Variants in SAMD12 observed in about 807,000 individuals in gnomAD.
SAMD12 encodes the protein sterile alpha motif domain containing 12.
SAMD12 carries 9 observed loss-of-function variants against 15.0 expected under a neutral mutation model. The ratio of observed to expected loss-of-function variants is 0.60; its 90% confidence interval spans 0.36 to 1.05. The LOEUF is 1.05. Ranked by LOEUF, SAMD12 falls within the 50% of genes least tolerant of loss-of-function variation. SAMD12 has a pLI of 0.01. For missense variants in SAMD12, 230 were observed against 234.2 expected, an observed-to-expected ratio of 0.98 and a Z score of 0.12; for synonymous variants, 86 against 90.1, an observed-to-expected ratio of 0.96 and a Z score of 0.25.
intron 4 of SAMD12, among the ~76,000 whole-genome samples, chr8:118,359,587 T>C (rs557846989): frequency 8.6e-4 from 131 of 152,290 alleles, no homozygotes; most frequent in African/African-American, 3.0e-3. Context: ...TCTAAGAGCA[T>C]CGCGCTCCTG....
chr8:118,353,799 C>G (rs763988048), intron 4 of SAMD12, among the ~76,000 whole-genome samples: 4 of 152,140 alleles, frequency 2.6e-5, no homozygotes, highest in Non-Finnish European at 5.9e-5. Flanking sequence ...ACTATGCAGC[C>G]TGCCATCCCT....
chr8:118,440,055 T>A, intron 2 of SAMD12, 94 bp from the exon 3 acceptor site: 1 of 1,231,124 alleles, frequency 8.1e-7, no homozygotes, highest in South Asian at 1.4e-5. Flanking sequence ...GGCTACAGAC[T>A]GGATTCCCTG....
chr8:118,523,797 G>A (rs545543603), intron 2 of SAMD12, among the ~76,000 whole-genome samples: 1 of 152,146 alleles, frequency 6.6e-6, no homozygotes, highest in South Asian at 2.1e-4. Flanking sequence ...CCTCACTGCT[G>A]AATGGAAACT....
At chr8:118,217,658 G>T (rs1339186347) in intron 4 of SAMD12, among the ~76,000 whole-genome samples, 1 of 124,894 alleles carries the variant, frequency 8.0e-6, no homozygotes, top group African/African-American at 2.6e-5. Context: ...TGAAAGAGAG[G>T]AGAAAAAAAG....
the SAMD12 span, among the ~76,000 whole-genome samples, chr8:118,132,972 GTA>G: frequency 0.016 from 773 of 47,940 alleles, 15 homozygotes; most frequent in Middle Eastern, 0.041. Context: ...GTGTGTGTGT[GTA>G]TATATATATA....
intron 4 of SAMD12, among the ~76,000 whole-genome samples, chr8:118,357,431 T>C (rs1274583558): frequency 6.6e-6 from 1 of 152,062 alleles, no homozygotes; most frequent in Non-Finnish European, 1.5e-5. Context: ...ACAGACAAGG[T>C]TTACCATATT....
intron 4 of SAMD12, among the ~76,000 whole-genome samples, chr8:118,199,554 A>G (rs1819654544): frequency 6.6e-6 from 1 of 152,210 alleles, no homozygotes; most frequent in African/African-American, 2.4e-5. Context: ...GATAATAAAG[A>G]GTAAGCCCTA....
intron 2 of SAMD12, among the ~76,000 whole-genome samples, chr8:118,485,644 C>T (rs1009385245): frequency 2.6e-5 from 4 of 152,008 alleles, no homozygotes; most frequent in East Asian, 1.9e-4. Flanking sequence ...AAGAATGTTA[C>T]GGGCAGTTCT....
intron 4 of SAMD12, among the ~76,000 whole-genome samples, chr8:118,204,417 T>C (rs1306951204): frequency 6.6e-6 from 1 of 151,914 alleles, no homozygotes; most frequent in Non-Finnish European, 1.5e-5. Context: ...ACTGAGAGTA[T>C]GATTAAGGAA....
chr8:118,438,363 G>C (rs1360200864), intron 3 of SAMD12, among the ~76,000 whole-genome samples: 1 of 151,970 alleles, frequency 6.6e-6, no homozygotes, highest in Non-Finnish European at 1.5e-5. Flanking sequence ...CAGGAATCTA[G>C]GATCATCTAG....
intron 2 of SAMD12, among the ~76,000 whole-genome samples, chr8:118,509,057 A>G (rs1825002569): frequency 6.6e-6 from 1 of 152,204 alleles, no homozygotes; most frequent in African/African-American, 2.4e-5. Flanking sequence ...AAATATACCA[A>G]GAATATTAGC....
At chr8:118,451,553 T>C (rs898186720) in intron 2 of SAMD12, among the ~76,000 whole-genome samples, 5 of 152,180 alleles carry the variant, frequency 3.3e-5, no homozygotes, top group Non-Finnish European at 7.3e-5. Context: ...GAAGATCAAA[T>C]CAAATAATCA....
chr8:118,445,884 A>T (rs953575154), intron 2 of SAMD12, among the ~76,000 whole-genome samples: 19 of 152,224 alleles, frequency 1.2e-4, no homozygotes, highest in African/African-American at 4.3e-4. Flanking sequence ...TGCACAGGGG[A>T]TCTATTTTAG....
At chr8:118,385,830 A>G (rs1264472883) in intron 3 of SAMD12, among the ~76,000 whole-genome samples, 1 of 152,222 alleles carries the variant, frequency 6.6e-6, no homozygotes, top group Non-Finnish European at 1.5e-5. Flanking sequence ...CTTATATCAG[A>G]AAAGATGTAA....
intron 3 of SAMD12, among the ~76,000 whole-genome samples, chr8:118,427,334 C>CA (rs1352603717): frequency 3.3e-5 from 5 of 152,218 alleles, no homozygotes; most frequent in Middle Eastern, 3.4e-3. Context: ...TTTTTATAAA[C>CA]AAACTTTACT....
chr8:118,244,676 G>A (rs982199472), intron 4 of SAMD12, among the ~76,000 whole-genome samples: 9 of 152,110 alleles, frequency 5.9e-5, no homozygotes, highest in Non-Finnish European at 1.3e-4. Flanking sequence ...AAAATTTTGT[G>A]ATGAGCTCTA....
At chr8:118,269,103 T>C (rs569925160) in intron 4 of SAMD12, among the ~76,000 whole-genome samples, 1 of 152,050 alleles carries the variant, frequency 6.6e-6, no homozygotes, top group African/African-American at 2.4e-5. Context: ...ATCTATTTCC[T>C]TCCAGCTCTC....
chr8:118,388,428 AG>A, intron 3 of SAMD12, among the ~76,000 whole-genome samples: 1 of 152,272 alleles, frequency 6.6e-6, no homozygotes, highest in South Asian at 2.1e-4. Context: ...GTCTTTTGAG[AG>A]CGGCTTTTTT....
chr8:118,389,024 C>A (rs1820123378), intron 3 of SAMD12, among the ~76,000 whole-genome samples: 1 of 152,170 alleles, frequency 6.6e-6, no homozygotes, highest in African/African-American at 2.4e-5. Context: ...GCTAGTTGAG[C>A]TCACTTGTAC....
Sources: gnomAD v4.1 joint callset for allele counts (sites outside exome capture counted in the v4.1 genomes callset) on GRCh38, gnomAD v4.1.1 for gene constraint, MANE v1.5 for transcripts, NCBI Gene and HGNC (gene_info 2026-07-23, HGNC 2026-07-21) for gene names.